Variants in KCNK1 observed in about 807,000 individuals in gnomAD.
The protein encoded by KCNK1 is potassium two pore domain channel subfamily K member 1, also known as potassium channel subfamily K member 1.
KCNK1 carries 10 observed loss-of-function variants against 22.2 expected under a neutral mutation model. That is an observed-to-expected ratio of 0.45 (90% CI 0.28 to 0.76). The LOEUF is 0.76. Ranked by LOEUF, KCNK1 falls within the 30% of genes least tolerant of loss-of-function variation. The pLI is 0.14. For synonymous variants in KCNK1, 200 were observed against 186.4 expected (o/e 1.07, Z -0.60); for missense variants, 378 against 421.0 (o/e 0.90, Z 0.89).
chr1:233,647,002 T>G (rs568347628), intron 1 of KCNK1, among the ~76,000 whole-genome samples: 1 of 152,186 alleles, frequency 6.6e-6, no homozygotes, highest in Non-Finnish European at 1.5e-5. Context: ...ACGCCTCTTA[T>G]TGGCACATTG....
Position 233,671,636 on chromosome 1 carries a change from T to C in KCNK1, c.*106T>C. ...ATGCAAAAGCGAAAATTATGTCACT[T>C]TAAGAAATAGCTACTGTTTGCAATG... On this transcript the variant is annotated 3_prime_UTR_variant, in exon 3 of 3. Coordinates refer to ENST00000366621, the MANE Select transcript of KCNK1 (RefSeq NM_002245.4). The C allele has an allele frequency of 1.5e-6, 2 of 1,299,862 alleles. No homozygotes were observed. Among genetic ancestry groups the C allele is most frequent in the South Asian group, 2.8e-5 (2 of 70,576 alleles). The allele number at this position is 1,299,862 out of a possible 1,614,324, so 80.5% of individuals were successfully genotyped here.
chr1:233,657,897 G>A (rs1658327521), intron 1 of KCNK1, among the ~76,000 whole-genome samples: 1 of 151,972 alleles, frequency 6.6e-6, no homozygotes, highest in African/African-American at 2.4e-5. Flanking sequence ...TGTCAACCAG[G>A]TACTCACCAG....
At chr1:233,627,441 G>GAATCAT (rs1657710112) in intron 1 of KCNK1, among the ~76,000 whole-genome samples, 1 of 152,182 alleles carries the variant, frequency 6.6e-6, no homozygotes, top group African/African-American at 2.4e-5. Flanking sequence ...AACCTGGAGA[G>GAATCAT]GCTGTTCCGC....
intron 1 of KCNK1, chr1:233,637,254 C>G (rs1163776434): frequency 7.2e-6 from 1 of 139,802 alleles, no homozygotes; most frequent in Non-Finnish European, 1.5e-5. Flanking sequence ...GTTATGGAAA[C>G]AAGGCAGGTT....
intron 2 of KCNK1, among the ~76,000 whole-genome samples, chr1:233,667,370 A>G (rs576640890): frequency 4.3e-4 from 66 of 152,336 alleles, no homozygotes; most frequent in African/African-American, 1.5e-3. Flanking sequence ...GATATTTTTC[A>G]CAACACCTTA....
rs1658599585 is a variant in KCNK1, at chr1:233,671,569, A to C, written c.*39A>C. On this transcript the variant is annotated 3_prime_UTR_variant, in exon 3 of 3. Coordinates refer to ENST00000366621, the MANE Select transcript of KCNK1 (RefSeq NM_002245.4). ...TGCATTATGCTAGAGCACCAGGGTC[A>C]GGGTGCAAGGAAGAGGCTTAAGTAT... The C allele has an allele frequency of 4.3e-6, 7 of 1,610,836 alleles. No homozygotes were observed. Among genetic ancestry groups the C allele is most frequent in the Non-Finnish European group, 5.9e-6 (7 of 1,178,264 alleles).
intron 1 of KCNK1, among the ~76,000 whole-genome samples, chr1:233,614,969 T>C (rs565345913): frequency 6.6e-6 from 1 of 152,206 alleles, no homozygotes; most frequent in Admixed American, 6.5e-5. Context: ...ACTCACCACC[T>C]TCCTCCCGCA....
intron 1 of KCNK1, among the ~76,000 whole-genome samples, chr1:233,658,153 A>C (rs992232989): frequency 4.6e-5 from 7 of 152,214 alleles, no homozygotes; most frequent in Admixed American, 3.9e-4. Flanking sequence ...CAAGCTAAGA[A>C]AGGTTCAACA....
rs145641387 is a variant in KCNK1, at chr1:233,667,849, G to A, written c.751+859G>A. On this transcript the variant is annotated intron_variant, in intron 2 of 2. Transcript: ENST00000366621. ...TTTAAGGCCAAGAAAACTAGGCCTC[G>A]GATAGAGCGTGTTATCAATCATGCT... 2.2e-3 allele frequency among the ~76,000 whole-genome samples: 341 copies of A among 151,846 alleles called. 2 individuals carry two copies. The highest frequency in any genetic ancestry group is 7.9e-3 in the African/African-American group (328 of 41,400).
intron 1 of KCNK1, among the ~76,000 whole-genome samples, chr1:233,655,269 C>T (rs182915707): frequency 5.8e-4 from 88 of 152,198 alleles, no homozygotes; most frequent in African/African-American, 2.1e-3. Context: ...CCTGTCCCAC[C>T]ATTGTATTTT....
intron 2 of KCNK1, among the ~76,000 whole-genome samples, chr1:233,668,668 C>T (rs796469151): frequency 5.9e-5 from 9 of 151,952 alleles, no homozygotes; most frequent in Non-Finnish European, 1.0e-4. Flanking sequence ...TGCAATGGCA[C>T]GATCTCAGCT....
chr1:233,617,547 AC>A (rs1287953520), intron 1 of KCNK1, among the ~76,000 whole-genome samples: 1 of 152,196 alleles, frequency 6.6e-6, no homozygotes, highest in Non-Finnish European at 1.5e-5. Flanking sequence ...AGAAATGAAG[AC>A]CCCAAGAAAC....
At position 233,671,744 on chromosome 1, in the gene KCNK1, G is replaced by T; in HGVS notation, c.*214G>T. On this transcript the variant is annotated 3_prime_UTR_variant, in exon 3 of 3. Transcript: ENST00000366621. Reference sequence around the variant, plus strand: ...GGATGTCTAATATGTGAGGAAATGAGATGTCCACCTAAAATTCATATGTGA... The same window carrying T: ...GGATGTCTAATATGTGAGGAAATGATATGTCCACCTAAAATTCATATGTGA... The T allele has an allele frequency of 1.7e-6, 1 of 586,742 alleles. No individual in the cohort carries two copies. Among genetic ancestry groups the T allele is most frequent in the South Asian group, 2.2e-5 (1 of 46,396 alleles). The allele number at this position is 586,742 out of a possible 1,614,324, so 36.3% of individuals were successfully genotyped here.
intron 1 of KCNK1, among the ~76,000 whole-genome samples, chr1:233,644,650 A>G (rs1357502078): frequency 2.0e-5 from 3 of 150,372 alleles, no homozygotes; most frequent in African/African-American, 7.5e-5. Flanking sequence ...GTCATGTAAG[A>G]CTGAGTGCAG....
At chr1:233,639,838 T>C (rs1490619802) in intron 1 of KCNK1, among the ~76,000 whole-genome samples, 1 of 152,210 alleles carries the variant, frequency 6.6e-6, no homozygotes, top group Non-Finnish European at 1.5e-5. Flanking sequence ...GCTGGTTCCT[T>C]CTTACACATG....
intron 1 of KCNK1, among the ~76,000 whole-genome samples, chr1:233,646,411 G>T (rs567760799): frequency 1.3e-5 from 2 of 152,154 alleles, no homozygotes; most frequent in African/African-American, 4.8e-5. Flanking sequence ...TAAAGGCATG[G>T]ATCTAGACGG....
At chr1:233,663,620 A>G (rs1658438867) in intron 1 of KCNK1, among the ~76,000 whole-genome samples, 1 of 152,218 alleles carries the variant, frequency 6.6e-6, no homozygotes, top group South Asian at 2.1e-4. Context: ...GCTACCAAAA[A>G]AAGTAATAAA....
chr1:233,620,494 A>C (rs1657563377), intron 1 of KCNK1, among the ~76,000 whole-genome samples: 2 of 152,182 alleles, frequency 1.3e-5, no homozygotes, highest in African/African-American at 4.8e-5. Context: ...CTTGTGATCC[A>C]ATTTGTGTCA....
chr1:233,619,736 C>G (rs1657545025), intron 1 of KCNK1, among the ~76,000 whole-genome samples: 1 of 151,922 alleles, frequency 6.6e-6, no homozygotes, highest in South Asian at 2.1e-4. Context: ...ACGGTGAAAC[C>G]CCATCTGTAC....
Sources: gnomAD v4.1 joint callset for allele counts (sites outside exome capture counted in the v4.1 genomes callset) on GRCh38, gnomAD v4.1.1 for gene constraint, MANE v1.5 for transcripts, NCBI Gene and HGNC (gene_info 2026-07-23, HGNC 2026-07-21) for gene names.